Variants in IGSF9B observed in about 807,000 individuals in gnomAD.
IGSF9B encodes immunoglobulin superfamily member 9B, also known as protein turtle homolog B.
In IGSF9B, 48 loss-of-function variants were observed where a neutral mutation model predicts 143.7. The ratio of observed to expected loss-of-function variants is 0.33; its 90% CI spans 0.26 to 0.42. The LOEUF (loss-of-function observed/expected upper bound fraction) is 0.42. IGSF9B is among the 20% of genes least tolerant of loss of function. The pLI is 1.00. For synonymous variants in IGSF9B, 903 were observed against 833.1 expected (o/e 1.08, Z -1.44); for missense variants, 1,706 against 1,980.0 (o/e 0.86, Z 2.63).
rs1001448863 is a variant in IGSF9B at position 133,953,218 on chromosome 11, G to C, written c.64+3473C>G. Among the ~76,000 whole-genome samples the C allele has an allele frequency of 3.3e-5, 5 of 152,152 alleles. No homozygotes were observed. The highest frequency in any genetic ancestry group is 9.7e-5 in the African/African-American group (4 of 41,420). On this transcript the variant is annotated intron_variant, in intron 1 of 19. Transcript: ENST00000533871. The surrounding 1 kb of genome is among the most constrained non-coding windows in gnomAD (Gnocchi z 4.2). Reference sequence around the variant, plus strand: ...AACCAGATTCCAGCCTTCTGTCTCAGAGCCATAAACACGAAACCACTCAAG... The same window carrying C: ...AACCAGATTCCAGCCTTCTGTCTCACAGCCATAAACACGAAACCACTCAAG...
At position 133,953,306 on chromosome 11, in the gene IGSF9B, A is replaced by G. The variant is rs373988913; in HGVS notation, c.64+3385T>C. 6.2e-4 allele frequency among the ~76,000 whole-genome samples: 95 copies of G among 152,312 alleles called. 3 individuals are homozygous for G. The South Asian group carries it at 0.019, about 31-fold the overall frequency. ...GCAGGGCCACAGGCCCGCGGCTGAA[A>G]GCTGATTGCCCTCTGCCCCTCAGCC... On this transcript the variant is annotated intron_variant, in intron 1 of 19. Transcript: ENST00000533871. The surrounding 1 kb of genome is among the most constrained non-coding windows in gnomAD (Gnocchi z 4.2).
Position 133,929,769 on chromosome 11 carries a change from A to C in IGSF9B, c.1533T>G (p.His511Gln), listed in dbSNP as rs1422878441. The change falls in exon 12 of 20, where the codon CAT becomes CAG. Residue 511 changes from histidine (H) to glutamine (Q), a missense_variant. By Grantham distance (24) the His-to-Gln change is conservative. Coordinates refer to ENST00000533871, the MANE Select transcript of IGSF9B (RefSeq NM_001277285.4). ...THLTVIGTSP[H>Q]APGSVRVQVS... ...CCTGGACCCGGACACTGCCCGGGGC[A>C]TGGGGGCTGGTGCCTGGAGATCAAG... 6.2e-7 allele frequency: 1 copy of C among 1,612,840 alleles called. No individual in the cohort carries two copies. Among genetic ancestry groups the C allele is most frequent in the South Asian group, 1.1e-5 (1 of 91,062 alleles).
At chr11:133,947,731 T>TCTCTCTCTCTCTCC (rs1940080595) in intron 1 of IGSF9B, among the ~76,000 whole-genome samples, 1 of 151,428 alleles carries the variant, frequency 6.6e-6, no homozygotes, top group East Asian at 1.9e-4. Flanking sequence ...TCTCTCTCTC[T>TCTCTCTCTCTCTCC]CTCTCTCTCG....
intron 7 of IGSF9B, among the ~76,000 whole-genome samples, chr11:133,934,645 A>G (rs943562260): frequency 1.3e-5 from 2 of 152,174 alleles, no homozygotes; most frequent in Admixed American, 1.3e-4. Context: ...CAGCAGGCGC[A>G]GCGTGCTCCA....
rs1433291422 is a variant in IGSF9B at position 133,946,266 on chromosome 11, G to A, written c.65-8C>T. The A allele has an allele frequency of 6.2e-7, 1 of 1,611,516 alleles. No homozygotes were observed. Among genetic ancestry groups the A allele is most frequent in the East Asian group, 2.2e-5 (1 of 44,840 alleles). On this transcript the variant is annotated splice_polypyrimidine_tract_variant and splice_region_variant and intron_variant, in intron 1 of 19. Coordinates refer to ENST00000533871, the MANE Select transcript of IGSF9B (RefSeq NM_001277285.4). ...CTCGCAGGCCGTGGGCGCCTGATGG[G>A]GACGGCCAGGTTGGACACAGAAAGG... is the stretch of plus-strand genomic sequence containing the variant.
At chr11:133,954,439 C>T (rs1265658909) in intron 1 of IGSF9B, among the ~76,000 whole-genome samples, 2 of 151,980 alleles carry the variant, frequency 1.3e-5, no homozygotes, top group African/African-American at 2.4e-5. Flanking sequence ...TGAACTTCCC[C>T]GCAACACATT....
chr11:133,918,578 C>A (rs1010939319), intron 18 of IGSF9B, among the ~76,000 whole-genome samples: 1 of 152,170 alleles, frequency 6.6e-6, no homozygotes, highest in Non-Finnish European at 1.5e-5. Context: ...CCCCGCACCC[C>A]CTTCCTCGGC....
chr11:133,916,933 C>A (rs1216840083), intron 18 of IGSF9B, among the ~76,000 whole-genome samples: 2 of 152,146 alleles, frequency 1.3e-5, no homozygotes, highest in Non-Finnish European at 2.9e-5. Flanking sequence ...CTCACACTCA[C>A]CCTATGCCAG....
intron 18 of IGSF9B, chr11:133,912,253 G>A: frequency 1.5e-6 from 1 of 656,030 alleles, no homozygotes; most frequent in Non-Finnish European, 2.8e-6. Flanking sequence ...GCAATCAGAA[G>A]ACCCTAGCAA....
intron 3 of IGSF9B, among the ~76,000 whole-genome samples, chr11:133,941,583 G>A (rs1158697810): frequency 6.6e-6 from 1 of 152,216 alleles, no homozygotes; most frequent in African/African-American, 2.4e-5. Context: ...AAAGGCAGAA[G>A]AGGAGAAAGG....
chr11:133,947,850 C>G (rs189326111), intron 1 of IGSF9B, among the ~76,000 whole-genome samples: 2 of 152,126 alleles, frequency 1.3e-5, no homozygotes, highest in Admixed American at 6.5e-5. Context: ...GCCTTGCTGG[C>G]TCCTCTGTCT....
Position 133,920,226 on chromosome 11 carries a change from C to G in IGSF9B, c.3499G>C (p.Asp1167His). 6.6e-7 allele frequency: 1 copy of G among 1,516,146 alleles called. No homozygotes were observed. Among genetic ancestry groups the G allele is most frequent in the Non-Finnish European group, 8.8e-7 (1 of 1,132,538 alleles). 93.9% of individuals were successfully genotyped at this position (1,516,146 alleles called of 1,614,324 possible). ...GGCTGGGGCTCATACCACCGGGTGT[C>G]CAGGCCAAATGTGCTGGGGCCGCCG... is the stretch of plus-strand genomic sequence containing the variant. ...AHGGPSTFGLDTRWYEPQPRP... is the reference protein window; with the variant it reads ...AHGGPSTFGLHTRWYEPQPRP... Residue 1167 changes from aspartate to histidine, a missense_variant, in exon 18 of 20, where the codon GAC becomes CAC. This residue lies in a region of IGSF9B where 880 missense variants were observed against 762.9 expected (regional missense o/e 1.15). Coordinates refer to ENST00000533871, the MANE Select transcript of IGSF9B (RefSeq NM_001277285.4).
chr11:133,931,874 C>G lies in IGSF9B; in HGVS notation c.1111-79G>C. 2 of 1,571,546 alleles carry G rather than the reference C, an allele frequency of 1.3e-6. No homozygotes were observed. Among genetic ancestry groups the G allele is most frequent in the Non-Finnish European group, 8.6e-7 (1 of 1,160,566 alleles). On this transcript the variant is annotated intron_variant, in intron 8 of 19. Transcript: ENST00000533871. The surrounding 1 kb of genome is among the most constrained non-coding windows in gnomAD (Gnocchi z 7.7). ...ATCCCAGGCTGGGTCCCAGCTGGGC[C>G]AGGCAGCACGCAGGATAGTACAGGA...
rs566700494 is a variant in IGSF9B at position 133,904,503 on chromosome 11, C to T, written c.*4566G>A. ...AAGACCTCTCCCAAGATCCAGTCTG[C>T]GTTCACATGCAGGACCCCACCCCAC... On this transcript the variant is annotated 3_prime_UTR_variant, in exon 20 of 20. Transcript: ENST00000533871. Among the ~76,000 whole-genome samples the T allele has an allele frequency of 4.6e-5, 7 of 152,274 alleles. No individual in the cohort carries two copies. Among genetic ancestry groups the T allele is most frequent in the African/African-American group, 7.2e-5 (3 of 41,566 alleles).
chr11:133,907,250 C>G lies in IGSF9B; in HGVS notation c.*1819G>C, dbSNP rs1159842983. 1.3e-5 allele frequency among the ~76,000 whole-genome samples: 2 copies of G among 152,176 alleles called. No homozygotes were observed. Among genetic ancestry groups the G allele is most frequent in the African/African-American group, 4.8e-5 (2 of 41,444 alleles). On this transcript the variant is annotated 3_prime_UTR_variant, in exon 20 of 20. Transcript: ENST00000533871. ...CAGCTCCCTGGGTGAAAGGAAGGACCAGGGCCGGTGTGGCACAGAAGAAGT... is the reference window on the plus strand; with the variant it reads ...CAGCTCCCTGGGTGAAAGGAAGGACGAGGGCCGGTGTGGCACAGAAGAAGT...
chr11:133,908,768 A>G lies in IGSF9B; in HGVS notation c.*301T>C, dbSNP rs1441039340. 1.5e-5 allele frequency: 5 copies of G among 341,166 alleles called. No homozygotes were observed. The highest frequency in any genetic ancestry group is 8.2e-5 in the African/African-American group (4 of 48,552). 21.1% of individuals were successfully genotyped at this position (341,166 alleles called of 1,614,324 possible). A position where few individuals can be genotyped will look rare whatever the true frequency, so the allele number is the denominator to read the frequency against. ...TGCTTTCCTCTTCACTTCCAAAGAC[A>G]TTGGAAGAGATGAGAAAAATCAACC... On this transcript the variant is annotated 3_prime_UTR_variant, in exon 20 of 20. Coordinates refer to ENST00000533871, the MANE Select transcript of IGSF9B (RefSeq NM_001277285.4).
chr11:133,954,310 G>A (rs1047312862), intron 1 of IGSF9B, among the ~76,000 whole-genome samples: 6 of 152,132 alleles, frequency 3.9e-5, no homozygotes, highest in Admixed American at 2.6e-4. Flanking sequence ...AAGGACTTCC[G>A]AGCAGCTTTG....
At position 133,897,801 on chromosome 11, in the gene IGSF9B, A is replaced by G. The variant is rs1939045113; in HGVS notation, c.*11268T>C. ...TAGTTGCCATTCAAGTTCACACTCA[A>G]AGGTGTTCTGTGTGCAGCTGTACAA... is the stretch of plus-strand genomic sequence containing the variant. On this transcript the variant is annotated 3_prime_UTR_variant, in exon 20 of 20. Transcript: ENST00000533871. 1 of 152,228 alleles carries G rather than the reference A, an allele frequency of 6.6e-6. No individual in the cohort carries two copies. Among genetic ancestry groups the G allele is most frequent in the African/African-American group, 2.4e-5 (1 of 41,460 alleles). The allele number at this position is 152,228 out of a possible 1,614,324, so 9.4% of individuals were successfully genotyped here. A position where few individuals can be genotyped will look rare whatever the true frequency, so the allele number is the denominator to read the frequency against.
At chr11:133,940,743 T>C (rs1465765824) in intron 3 of IGSF9B, among the ~76,000 whole-genome samples, 1 of 138,404 alleles carries the variant, frequency 7.2e-6, no homozygotes, top group Non-Finnish European at 1.6e-5. Context: ...TACAGAAACA[T>C]ACACCTTGCA....
Sources: gnomAD v4.1 joint callset for allele counts (sites outside exome capture counted in the v4.1 genomes callset) on GRCh38, gnomAD v4.1.1 for gene constraint, gnomAD v4.1.1 regional missense constraint, Gnocchi (gnomAD v3.1) non-coding constraint, MANE v1.5 for transcripts, NCBI Gene and HGNC (gene_info 2026-07-23, HGNC 2026-07-21) for gene names.